SLC8A1: variants seen among roughly 807,000 people sequenced by gnomAD.
SLC8A1 encodes solute carrier family 8 member A1, also known as sodium/calcium exchanger 1.
In SLC8A1, 18 loss-of-function variants were observed where a neutral mutation model predicts 68.3. The ratio of observed to expected loss-of-function variants is 0.26; its 90% CI spans 0.18 to 0.39. SLC8A1 has a LOEUF of 0.39. Among genes scored for constraint, SLC8A1 ranks in the 10% least tolerant of loss-of-function variants. The pLI, the probability that SLC8A1 is intolerant of heterozygous loss-of-function variation, is 1.00. For synonymous variants in SLC8A1, 475 were observed against 415.5 expected, an observed-to-expected ratio of 1.14 and a Z score of -1.74; for missense variants, 985 against 1,156.7, an observed-to-expected ratio of 0.85 and a Z score of 2.15.
chr2:40,367,315 C>A (rs1422317700), intron 2 of SLC8A1, among the ~76,000 whole-genome samples: 7 of 151,976 alleles, frequency 4.6e-5, no homozygotes, highest in Non-Finnish European at 4.4e-5. Context: ...CCCTAGTCAA[C>A]CTGGAATTCC....
At chr2:40,112,067 C>G (rs538634124) in exon 8 of SLC8A1, 5 of 152,182 alleles carry the variant, frequency 3.3e-5, no homozygotes, top group African/African-American at 7.2e-5. Flanking sequence ...ATTGCATGAC[C>G]GAAGGGTTGA....
At chr2:40,347,091 T>A (rs912737867) in intron 2 of SLC8A1, among the ~76,000 whole-genome samples, 15 of 152,218 alleles carry the variant, frequency 9.9e-5, no homozygotes, top group Admixed American at 6.5e-5. Context: ...AAGGTTGGTG[T>A]GTCTTCTGTG....
At chr2:40,098,973 A>G (rs1457843149) in exon 8 of SLC8A1, 1 of 152,044 alleles carries the variant, frequency 6.6e-6, no homozygotes, top group Non-Finnish European at 1.5e-5. Flanking sequence ...TATCAGGTAT[A>G]TGGTCACGTG....
chr2:40,308,396 G>A (rs972911454), intron 2 of SLC8A1, among the ~76,000 whole-genome samples: 3 of 152,172 alleles, frequency 2.0e-5, no homozygotes, highest in African/African-American at 4.8e-5. Context: ...GATCTGATTC[G>A]AGGGACAGCA....
chr2:40,285,736 C>G (rs553275497), intron 2 of SLC8A1, among the ~76,000 whole-genome samples: 71 of 152,116 alleles, frequency 4.7e-4, no homozygotes, highest in Non-Finnish European at 9.1e-4. Context: ...TTGTTCATTT[C>G]TCTTCACTAG....
At chr2:40,161,129 C>T (rs1312978131) in intron 5 of SLC8A1, among the ~76,000 whole-genome samples, 1 of 152,134 alleles carries the variant, frequency 6.6e-6, no homozygotes, top group Non-Finnish European at 1.5e-5. Context: ...TTTAGAATAG[C>T]AGATGCTGCA....
At chr2:40,128,588 G>C (rs1423751071) in intron 7 of SLC8A1, among the ~76,000 whole-genome samples, 1 of 152,148 alleles carries the variant, frequency 6.6e-6, no homozygotes, top group East Asian at 1.9e-4. Flanking sequence ...TTTGGCATTT[G>C]TCTATCATTA....
chr2:40,264,352 A>G (rs2065084590), intron 2 of SLC8A1, among the ~76,000 whole-genome samples: 1 of 152,184 alleles, frequency 6.6e-6, no homozygotes, highest in Non-Finnish European at 1.5e-5. Context: ...GTTACTGGGT[A>G]TATACCCAAA....
At chr2:40,265,014 T>G (rs956249202) in intron 2 of SLC8A1, among the ~76,000 whole-genome samples, 5 of 152,204 alleles carry the variant, frequency 3.3e-5, no homozygotes, top group African/African-American at 1.2e-4. Flanking sequence ...TATGTTGCCA[T>G]GACTTGCTTT....
exon 8 of SLC8A1, chr2:40,097,802 C>T (rs1349680840): frequency 6.6e-6 from 1 of 151,940 alleles, no homozygotes; most frequent in Non-Finnish European, 1.5e-5. Flanking sequence ...TCACAATTCT[C>T]ATTTATTGGT....
intron 6 of SLC8A1, among the ~76,000 whole-genome samples, chr2:40,157,181 T>C (rs2044696326): frequency 1.3e-5 from 2 of 152,238 alleles, no homozygotes; most frequent in African/African-American, 4.8e-5. Context: ...GGTTCTATAA[T>C]AGAATTGCCT....
At chr2:40,101,465 C>T (rs10186961) in exon 8 of SLC8A1, 60,943 of 151,802 alleles carry the variant, frequency 0.4, 12,937 homozygotes, top group Middle Eastern at 0.54. Flanking sequence ...TTCTAGGCCC[C>T]GGGGAAGTCA....
chr2:40,440,523 G>A (rs530262424), intron 1 of SLC8A1, among the ~76,000 whole-genome samples: 129 of 152,054 alleles, frequency 8.5e-4, no homozygotes, highest in African/African-American at 2.9e-3. Context: ...AGCAAAGTGC[G>A]AGGCACTGGG....
exon 2 of SLC8A1, chr2:40,429,816 T>C (rs149690605): frequency 4.6e-5 from 74 of 1,613,478 alleles, no homozygotes; most frequent in Non-Finnish European, 5.9e-5. Flanking sequence ...GGCCACACAC[T>C]TCAATTACTG....
intron 2 of SLC8A1, among the ~76,000 whole-genome samples, chr2:40,234,325 A>T (rs2060076554): frequency 3.3e-5 from 5 of 150,978 alleles, no homozygotes; most frequent in South Asian, 2.1e-4. Context: ...ATCCCTTGTA[A>T]GTTGGATTCC....
chr2:40,446,995 G>C (rs900663143), intron 1 of SLC8A1, among the ~76,000 whole-genome samples: 1 of 152,148 alleles, frequency 6.6e-6, no homozygotes, highest in African/African-American at 2.4e-5. Context: ...TACCTTGTTT[G>C]ACTTGCTCTC....
chr2:40,386,202 G>C (rs4588235), intron 2 of SLC8A1, among the ~76,000 whole-genome samples: 1 of 150,634 alleles, frequency 6.6e-6, no homozygotes, highest in African/African-American at 2.5e-5. Context: ...TAGGAAATAC[G>C]TGGAAATCTT....
intron 2 of SLC8A1, among the ~76,000 whole-genome samples, chr2:40,392,245 G>GAAGCAAGC (rs148095673): frequency 8.6e-5 from 13 of 151,026 alleles, no homozygotes; most frequent in East Asian, 5.9e-4. Context: ...AAAGAGAAAG[G>GAAGCAAGC]AAGCAAGCAA....
intron 2 of SLC8A1, among the ~76,000 whole-genome samples, chr2:40,339,384 C>G (rs1247967769): frequency 1.3e-5 from 2 of 152,156 alleles, no homozygotes; most frequent in East Asian, 3.9e-4. Flanking sequence ...CTGTGAGCCT[C>G]TCTGATGAGC....
Sources: allele counts gnomAD v4.1 joint callset (sites outside exome capture counted in the v4.1 genomes callset), GRCh38; gene constraint gnomAD v4.1.1; transcripts MANE v1.5; gene names NCBI Gene and HGNC (gene_info 2026-07-23, HGNC 2026-07-21).